Variants in KIF16B observed in about 807,000 individuals in gnomAD.
KIF16B encodes kinesin family member 16B.
A neutral mutation model predicts 156.3 loss-of-function variants in KIF16B; 98 were observed. The observed-to-expected ratio is 0.63, with a 90% CI of 0.53 to 0.74. The LOEUF is 0.74. KIF16B is among the 30% of genes least tolerant of loss of function. The pLI is 0.00. For synonymous variants in KIF16B, 564 were observed against 583.7 expected (o/e 0.97, Z 0.49); for missense variants, 1,421 against 1,606.5 (o/e 0.88, Z 1.97).
At chr20:16,514,081 C>G (rs1341087217) in intron 4 of KIF16B, among the ~76,000 whole-genome samples, 1 of 152,174 alleles carries the variant, frequency 6.6e-6, no homozygotes, top group Non-Finnish European at 1.5e-5. Flanking sequence ...GATACCCAAG[C>G]AGCACTCAAC....
chr20:16,528,113 T>C (rs1045755882), intron 2 of KIF16B, among the ~76,000 whole-genome samples: 3 of 152,156 alleles, frequency 2.0e-5, no homozygotes, highest in Admixed American at 6.5e-5. Context: ...GAATCTGGGA[T>C]AGACTCAGGA....
chr20:16,507,160 A>AG (rs1410386466), intron 7 of KIF16B, among the ~76,000 whole-genome samples: 3 of 152,092 alleles, frequency 2.0e-5, no homozygotes, highest in Non-Finnish European at 4.4e-5. Flanking sequence ...AGAAAGCAGG[A>AG]GAAAAACCAA....
chr20:16,409,950 T>C (rs868117043), intron 15 of KIF16B, among the ~76,000 whole-genome samples: 131 of 33,336 alleles, frequency 3.9e-3, no homozygotes, highest in South Asian at 0.028. Flanking sequence ...CTTACCTACA[T>C]ATATATATAT....
intron 25 of KIF16B, among the ~76,000 whole-genome samples, chr20:16,310,785 T>C (rs527976886): frequency 2.6e-5 from 4 of 152,366 alleles, no homozygotes; most frequent in African/African-American, 9.6e-5. Context: ...ATCAGGATCA[T>C]GCCATTCTAG....
rs972561138 is a variant in KIF16B, at chr20:16,396,555, C to T, written c.1784+8258G>A. Among the ~76,000 whole-genome samples, 5 of 150,632 alleles carry T rather than the reference C, an allele frequency of 3.3e-5. No homozygotes were observed. The East Asian group carries it at 9.7e-4, about 29-fold the overall frequency. On this transcript the variant is annotated intron_variant, in intron 17 of 25. Transcript: ENST00000354981. Reference sequence around the variant, plus strand: ...ATATATAAATGTGTGTGTACATCTACACACAGAGAGGGAGAGGCAGAGACA... The same window carrying T: ...ATATATAAATGTGTGTGTACATCTATACACAGAGAGGGAGAGGCAGAGACA...
At chr20:16,514,688 C>T (rs941650799) in intron 4 of KIF16B, among the ~76,000 whole-genome samples, 1 of 149,986 alleles carries the variant, frequency 6.7e-6, no homozygotes, top group Admixed American at 6.6e-5. Context: ...GTCAGAAGTT[C>T]GAGACCAGCC....
chr20:16,490,228 G>C (rs1286043634), intron 12 of KIF16B, among the ~76,000 whole-genome samples: 1 of 152,040 alleles, frequency 6.6e-6, no homozygotes, highest in East Asian at 1.9e-4. Context: ...AGGTTATTAG[G>C]ATGGGTCCTA....
Position 16,378,944 on chromosome 20 carries a change from G to T in KIF16B, c.3058C>A (p.Gln1020Lys). Residue 1020 changes from glutamine to lysine, a missense_variant, in exon 19 of 26, where the codon CAG becomes AAG. Physicochemically the swap from Gln to Lys is moderately conservative, Grantham distance 53. Transcript: ENST00000354981. ...ARLERRHSAL[Q>K]RHSTLGMEIE... ...TCCATGCCCAGGGTGGAGTGCCTCT[G>T]CAGCGCAGAATGTCTCCTCTCCAGC... The T allele has an allele frequency of 6.2e-7, 1 of 1,614,088 alleles. No individual in the cohort carries two copies. The highest frequency in any genetic ancestry group is 8.5e-7 in the Non-Finnish European group (1 of 1,179,966).
intron 11 of KIF16B, 25 bp from the exon 12 acceptor site, chr20:16,494,375 G>A: frequency 6.9e-7 from 1 of 1,441,392 alleles, no homozygotes; most frequent in East Asian, 2.3e-5. Flanking sequence ...ATACATACGT[G>A]ACTGCTTCAT....
intron 10 of KIF16B, among the ~76,000 whole-genome samples, chr20:16,503,932 C>T (rs1224035800): frequency 6.6e-6 from 1 of 152,150 alleles, no homozygotes; most frequent in Non-Finnish European, 1.5e-5. Flanking sequence ...GCCACCAGAA[C>T]CACCTCTCTA....
chr20:16,382,457 A>G (rs901847445), intron 17 of KIF16B, among the ~76,000 whole-genome samples: 22 of 152,218 alleles, frequency 1.4e-4, no homozygotes, highest in African/African-American at 4.6e-4. Flanking sequence ...AGATAGTTAT[A>G]CTGCATGTAG....
At chr20:16,559,468 A>C (rs540738527) in intron 1 of KIF16B, among the ~76,000 whole-genome samples, 21 of 152,356 alleles carry the variant, frequency 1.4e-4, no homozygotes, top group African/African-American at 5.1e-4. Context: ...GGGTTTAACA[A>C]AAACAAAACA....
At chr20:16,508,870 A>T (rs2068870596) in intron 6 of KIF16B, among the ~76,000 whole-genome samples, 1 of 152,214 alleles carries the variant, frequency 6.6e-6, no homozygotes, top group African/African-American at 2.4e-5. Context: ...TCATTTTAAC[A>T]AATTATTTTA....
At chr20:16,278,202 C>G (rs2063093318) in intron 25 of KIF16B, among the ~76,000 whole-genome samples, 1 of 151,534 alleles carries the variant, frequency 6.6e-6, no homozygotes, top group Admixed American at 6.6e-5. Context: ...CACAGAGAGA[C>G]AGAGGGGGCT....
intron 12 of KIF16B, among the ~76,000 whole-genome samples, chr20:16,490,488 C>A (rs1268761434): frequency 6.6e-6 from 1 of 152,086 alleles, no homozygotes; most frequent in Non-Finnish European, 1.5e-5. Context: ...TTGCAGTGAG[C>A]CGAAATCACA....
chr20:16,516,468 A>T (rs2147087304), intron 3 of KIF16B, among the ~76,000 whole-genome samples: 1 of 152,328 alleles, frequency 6.6e-6, no homozygotes. Flanking sequence ...GCTTTCATGT[A>T]GTCTCCTGTC....
At chr20:16,395,895 T>C (rs1409790462) in intron 17 of KIF16B, among the ~76,000 whole-genome samples, 4 of 152,140 alleles carry the variant, frequency 2.6e-5, no homozygotes, top group Admixed American at 2.6e-4. Flanking sequence ...GTGGGAATGA[T>C]GGTGATATAT....
rs1568948374 is a variant in KIF16B at position 16,410,049 on chromosome 20, T to TGGTACATATATATATGTA, written c.1613-3594_1613-3593insTACATATATATATGTACC. Among the ~76,000 whole-genome samples, 205 of 31,004 alleles carry TGGTACATATATATATGTA rather than the reference T, an allele frequency of 6.6e-3. 39 individuals carry two copies. The East Asian group carries it at 0.11, about 17-fold the overall frequency. 20.3% of individuals were successfully genotyped at this position (31,004 alleles called of 152,430 possible). A position where few individuals can be genotyped will look rare whatever the true frequency, so the allele number is the denominator to read the frequency against. The stretch of plus-strand genomic sequence containing the variant: ...TATATGTAGGTACATATATATATGT[T>TGGTACATATATATATGTA]GGTACATATATATATATGTAGGTAC... On this transcript the variant is annotated intron_variant, in intron 15 of 25. Transcript: ENST00000354981.
At chr20:16,309,209 C>T (rs987862692) in intron 25 of KIF16B, among the ~76,000 whole-genome samples, 1 of 152,206 alleles carries the variant, frequency 6.6e-6, no homozygotes, top group East Asian at 1.9e-4. Flanking sequence ...AAAAAACTGG[C>T]TCCAGCTACA....
Sources: gnomAD v4.1 joint callset for allele counts (sites outside exome capture counted in the v4.1 genomes callset) on GRCh38, gnomAD v4.1.1 for gene constraint, MANE v1.5 for transcripts, NCBI Gene and HGNC (gene_info 2026-07-23, HGNC 2026-07-21) for gene names.